Variants in ZNF483 observed in about 807,000 individuals in gnomAD.
ZNF483 encodes zinc finger protein HIT-10.
A neutral mutation model predicts 28.6 loss-of-function variants in ZNF483; 9 were observed. The observed-to-expected ratio is 0.32, with a 90% CI of 0.19 to 0.55. The LOEUF (loss-of-function observed/expected upper bound fraction) is 0.55. Among genes scored for constraint, ZNF483 ranks in the 20% least tolerant of loss-of-function variants. ZNF483 has a pLI of 0.93. For missense variants in ZNF483, 675 were observed against 871.7 expected, an observed-to-expected ratio of 0.77 and a Z score of 2.84; for synonymous variants, 322 against 306.2, an observed-to-expected ratio of 1.05 and a Z score of -0.54.
rs1827688476 is a variant in ZNF483 at position 111,542,102 on chromosome 9, C to A, written c.1167C>A (p.Ser389=). The stretch of plus-strand genomic sequence containing the variant: ...AGAAGATTCATTTGGGGGATAGGTC[C>A]CAAAAATGCAGTAAGTGTGGGATAA... The part of the protein sequence containing the change: ...KRQKIHLGDR[S]QKCSKCGIIF... The change falls in exon 6 of 6, where the codon TCC becomes TCA. Residue 389 remains serine (S), a synonymous_variant. Transcript: ENST00000309235. This position sits in a 1 kb window ranked among gnomAD's most constrained non-coding sequence, Gnocchi z 6.2. 3.7e-6 allele frequency: 6 copies of A among 1,613,820 alleles called. No homozygotes were observed. The highest frequency in any genetic ancestry group is 4.5e-5 in the East Asian group (2 of 44,866).
At chr9:111,529,230 C>G (rs984071616) in intron 2 of ZNF483, among the ~76,000 whole-genome samples, 4 of 151,950 alleles carry the variant, frequency 2.6e-5, no homozygotes, top group African/African-American at 7.3e-5. Context: ...AATTCTAATT[C>G]TTAATTTTTA....
chr9:111,561,332 G>A (rs1486341547), intron 5 of ZNF483, among the ~76,000 whole-genome samples: 1 of 151,868 alleles, frequency 6.6e-6, no homozygotes, highest in Non-Finnish European at 1.5e-5. Context: ...CTGGAGTGCA[G>A]TGGTACAGTC....
intron 5 of ZNF483, among the ~76,000 whole-genome samples, chr9:111,536,756 C>G (rs1489466411): frequency 6.6e-6 from 1 of 151,990 alleles, no homozygotes; most frequent in African/African-American, 2.4e-5. Context: ...GTTAACTCTC[C>G]AAAAACATAA....
chr9:111,549,608 C>G lies in ZNF483; in HGVS notation c.*6438C>G, dbSNP rs545347979. The stretch of plus-strand genomic sequence containing the variant: ...TCGATAATCTACAAGCTTTGCTAAA[C>G]CTACCTGTAGCTCTTCTGGGGCAGC... On this transcript the variant is annotated 3_prime_UTR_variant, in exon 6 of 6. Coordinates refer to ENST00000309235, the MANE Select transcript of ZNF483 (RefSeq NM_133464.5). 1.2e-5 allele frequency: 11 copies of G among 894,362 alleles called. No homozygotes were observed. In the African/African-American group the frequency reaches 1.9e-4, roughly 15 times the overall value. 55.4% of individuals were successfully genotyped at this position (894,362 alleles called of 1,614,324 possible). A position where few individuals can be genotyped will look rare whatever the true frequency, so the allele number is the denominator to read the frequency against.
chr9:111,564,108 T>A, intron 5 of ZNF483: 1 of 292,958 alleles, frequency 3.4e-6, no homozygotes, highest in Non-Finnish European at 5.5e-6. Flanking sequence ...GGGAACTAAT[T>A]TACATTTTCA....
At position 111,534,465 on chromosome 9, in the gene ZNF483, A is replaced by G. The variant is rs138890877; in HGVS notation, c.721+112A>G. 40 of 883,964 alleles carry G rather than the reference A, an allele frequency of 4.5e-5. No homozygotes were observed. The African/African-American group carries it at 5.5e-4, about 12-fold the overall frequency. 54.8% of individuals were successfully genotyped at this position (883,964 alleles called of 1,614,324 possible). A position where few individuals can be genotyped will look rare whatever the true frequency, so the allele number is the denominator to read the frequency against. The stretch of plus-strand genomic sequence containing the variant: ...GATACTAAAATACAAAGATGATTAG[A>G]ATAGAGCCCTTGCCTTCCTGAAATG... On this transcript the variant is annotated intron_variant, in intron 5 of 5. Transcript: ENST00000309235.
chr9:111,558,180 A>C (rs1365694607), downstream of ZNF483, among the ~76,000 whole-genome samples: 1 of 152,128 alleles, frequency 6.6e-6, no homozygotes, highest in Admixed American at 6.6e-5. Context: ...TCCATTCCTC[A>C]TCAAGTTTTC....
chr9:111,578,003 G>C (rs910666123), downstream of ZNF483, among the ~76,000 whole-genome samples: 8 of 152,100 alleles, frequency 5.3e-5, no homozygotes, highest in Middle Eastern at 3.4e-3. Flanking sequence ...CGTTTTTTGG[G>C]GGGGGTGATG....
chr9:111,536,763 A>C (rs949280007), intron 5 of ZNF483, among the ~76,000 whole-genome samples: 27 of 151,862 alleles, frequency 1.8e-4, no homozygotes, highest in African/African-American at 6.5e-4. Flanking sequence ...CTCCAAAAAC[A>C]TAACTACTAA....
Position 111,541,671 on chromosome 9 carries a change from G to C in ZNF483, c.736G>C (p.Asp246His), listed in dbSNP as rs896837626. 1.2e-6 allele frequency: 2 copies of C among 1,601,358 alleles called. No individual in the cohort carries two copies. Among genetic ancestry groups the C allele is most frequent in the Non-Finnish European group, 1.7e-6 (2 of 1,176,606 alleles). The change falls in exon 6 of 6, where the codon GAT becomes CAT. Residue 246 changes from aspartate to histidine, a missense_variant. By Grantham distance (81) the Asp-to-His change is moderately conservative. Around this residue, in one of 6 missense-constraint regions of ZNF483, gnomAD observed 525 missense variants for 581.8 expected, o/e 0.90. Coordinates refer to ENST00000309235, the MANE Select transcript of ZNF483 (RefSeq NM_133464.5). Reference sequence around the variant, plus strand: ...ATATCTTTTAGATGAATCAGCTTTAGATAAAATAATAGAAAGGTGCCTCAG... The same window carrying C: ...ATATCTTTTAGATGAATCAGCTTTACATAAAATAATAGAAAGGTGCCTCAG... The part of the protein sequence containing the change: ...KSSRLDESAL[D>H]KIIERCLRDD...
In ZNF483 at chr9:111,542,195, A is replaced by G. The variant is rs759917700; in HGVS notation, c.1260A>G (p.Ser420=). 2 of 1,614,126 alleles carry G rather than the reference A, an allele frequency of 1.2e-6. No individual in the cohort carries two copies. Among genetic ancestry groups the G allele is most frequent in the Admixed American group, 1.7e-5 (1 of 60,022 alleles). The change falls in exon 6 of 6, where the codon TCA becomes TCG. Residue 420 remains serine, a synonymous_variant. Coordinates refer to ENST00000309235, the MANE Select transcript of ZNF483 (RefSeq NM_133464.5). The surrounding 1 kb of genome is among the most constrained non-coding windows in gnomAD (Gnocchi z 6.2). The part of the protein sequence containing the change: ...TPMCEKCRKD[S]CQEAALNKDE... ...TGTGTGAGAAATGTCGGAAAGATTC[A>G]TGTCAAGAAGCAGCCTTAAATAAAG...
chr9:111,573,415 C>T (rs925545776), intron 5 of ZNF483, among the ~76,000 whole-genome samples: 2 of 152,334 alleles, frequency 1.3e-5, no homozygotes, highest in South Asian at 2.1e-4. Context: ...TCTAGCCCCC[C>T]CATCTCCATA....
At position 111,527,821 on chromosome 9, in the gene ZNF483, A is replaced by G. The variant is rs1204829322; in HGVS notation, c.412+14A>G. 1 of 1,614,126 alleles carries G rather than the reference A, an allele frequency of 6.2e-7. No homozygotes were observed. ...TTGAAGAAAAAGGTGAGATTTATAG[A>G]TGGAGGGAGGAAGCGGGAGACATTG... On this transcript the variant is annotated intron_variant, in intron 2 of 5. Coordinates refer to ENST00000309235, the MANE Select transcript of ZNF483 (RefSeq NM_133464.5).
chr9:111,532,663 G>T (rs1319126354), intron 3 of ZNF483, among the ~76,000 whole-genome samples: 1 of 152,192 alleles, frequency 6.6e-6, no homozygotes, highest in Non-Finnish European at 1.5e-5. Context: ...ATTTGTTACA[G>T]CTCCCAGAGG....
In ZNF483 at chr9:111,546,241, G is replaced by A. The variant is rs527440629; in HGVS notation, c.*3071G>A. ...CAGATTTTTTGTCCATTTAAAATTG[G>A]AGTTTGCTGATACTGTGTTGTAGTC... On this transcript the variant is annotated 3_prime_UTR_variant, in exon 6 of 6. Transcript: ENST00000309235. Among the ~76,000 whole-genome samples, 1 of 152,236 alleles carries A rather than the reference G, an allele frequency of 6.6e-6. No homozygotes were observed. Among genetic ancestry groups the A allele is most frequent in the South Asian group, 2.1e-4 (1 of 4,822 alleles).
rs1827488061 is a variant in ZNF483 at position 111,535,940 on chromosome 9, G to A, written c.721+1587G>A. 2.0e-5 allele frequency among the ~76,000 whole-genome samples: 3 copies of A among 146,654 alleles called. No homozygotes were observed. In the Admixed American group the frequency reaches 2.1e-4, roughly 10 times the overall value. ...GAGACAGAGTTACCCAGGCTGGAGT[G>A]CAGTGCCGTGATCTTGGCTCACTGC... On this transcript the variant is annotated intron_variant, in intron 5 of 5. Coordinates refer to ENST00000309235, the MANE Select transcript of ZNF483 (RefSeq NM_133464.5).
At position 111,527,600 on chromosome 9, in the gene ZNF483, G is replaced by A; in HGVS notation, c.205G>A (p.Ala69Thr). The change falls in exon 2 of 6, where the codon GCT (alanine) becomes ACT (threonine). Residue 69 changes from alanine (A) to threonine (T), a missense_variant. By Grantham distance (58) the Ala-to-Thr change is moderately conservative. This residue lies in a region of ZNF483 where 525 missense variants were observed against 581.8 expected (regional missense o/e 0.90). Coordinates refer to ENST00000309235, the MANE Select transcript of ZNF483 (RefSeq NM_133464.5). ...CTCAGAAGTAGCTGGACCCAGGAAA[G>A]CTCTGAGTCAACTCTGGGAGCTCTG... ...CYSEVAGPRK[A>T]LSQLWELCNQ... 6.2e-7 allele frequency: 1 copy of A among 1,614,200 alleles called. No homozygotes were observed. Among genetic ancestry groups the A allele is most frequent in the Non-Finnish European group, 8.5e-7 (1 of 1,180,044 alleles).
chr9:111,535,264 T>C (rs1488271253), intron 5 of ZNF483, among the ~76,000 whole-genome samples: 1 of 152,226 alleles, frequency 6.6e-6, no homozygotes, highest in Non-Finnish European at 1.5e-5. Context: ...TTATGGACAC[T>C]AGAGGACGTA....
At chr9:111,572,450 C>T (rs547127854) in intron 5 of ZNF483, among the ~76,000 whole-genome samples, 132 of 152,136 alleles carry the variant, frequency 8.7e-4, no homozygotes, top group South Asian at 6.6e-3. Context: ...ATTAGTCAGG[C>T]GTGACGATTT....
Sources: gnomAD v4.1 joint callset for allele counts (sites outside exome capture counted in the v4.1 genomes callset) on GRCh38, gnomAD v4.1.1 for gene constraint, gnomAD v4.1.1 regional missense constraint, Gnocchi (gnomAD v3.1) non-coding constraint, MANE v1.5 for transcripts, NCBI Gene and HGNC (gene_info 2026-07-23, HGNC 2026-07-21) for gene names.